PDE4D: variants seen among roughly 807,000 people sequenced by gnomAD.
PDE4D encodes the protein 3',5'-cyclic-AMP phosphodiesterase 4D.
Under a neutral mutation model 87.4 loss-of-function variants are expected in PDE4D, and 24 were observed. The observed-to-expected ratio is 0.27, with a 90% confidence interval of 0.20 to 0.39. PDE4D has a LOEUF of 0.39. PDE4D is among the 10% of genes least tolerant of loss of function. The pLI, the probability that PDE4D is intolerant of heterozygous loss-of-function variation, is 1.00. For missense variants in PDE4D, 714 were observed against 1,041.0 expected (o/e 0.69, Z 4.32); for synonymous variants, 384 against 383.2 (o/e 1.00, Z -0.02).
chr5:59,466,341 C>T (rs529022044), intron 1 of PDE4D, among the ~76,000 whole-genome samples: 9 of 152,294 alleles, frequency 5.9e-5, no homozygotes, highest in African/African-American at 1.7e-4. Flanking sequence ...TTTATGATTT[C>T]CCCCTCCAAA....
intron 1 of PDE4D, among the ~76,000 whole-genome samples, chr5:59,300,374 C>T (rs959952574): frequency 6.6e-6 from 1 of 152,062 alleles, no homozygotes; most frequent in African/African-American, 2.4e-5. Context: ...ACTCCCCATA[C>T]ATGTGTGTGT....
chr5:60,353,754 G>A (rs934058911), intron 1 of PDE4D, among the ~76,000 whole-genome samples: 1 of 152,138 alleles, frequency 6.6e-6, no homozygotes, highest in Non-Finnish European at 1.5e-5. Context: ...TACTTTTAAT[G>A]TGTCATATTA....
chr5:60,365,633 G>T (rs926322483), intron 1 of PDE4D, among the ~76,000 whole-genome samples: 4 of 152,060 alleles, frequency 2.6e-5, no homozygotes, highest in Admixed American at 1.3e-4. Flanking sequence ...AACAGCAAAG[G>T]CTTAGAGCAG....
chr5:59,968,509 C>A (rs1019985755), intron 3 of PDE4D, among the ~76,000 whole-genome samples: 1 of 151,980 alleles, frequency 6.6e-6, no homozygotes, highest in Non-Finnish European at 1.5e-5. Context: ...ATATACCATA[C>A]CTAAGCATCA....
chr5:59,792,439 T>TGTGTG (rs1561669604), intron 1 of PDE4D, among the ~76,000 whole-genome samples: 14 of 150,366 alleles, frequency 9.3e-5, no homozygotes, highest in South Asian at 2.1e-4. Context: ...TGTGTGTGTG[T>TGTGTG]TTTGAGGAAG....
intron 5 of PDE4D, among the ~76,000 whole-genome samples, chr5:59,065,893 C>T (rs1763855345): frequency 6.6e-6 from 1 of 152,036 alleles, no homozygotes; most frequent in East Asian, 1.9e-4. Context: ...GTAACTAGAC[C>T]TTCTTTAATT....
At chr5:60,416,957 A>G in intron 1 of PDE4D, among the ~76,000 whole-genome samples, 1 of 152,234 alleles carries the variant, frequency 6.6e-6, no homozygotes. Context: ...TCATGCTACC[A>G]TGACTAATCA....
intron 1 of PDE4D, among the ~76,000 whole-genome samples, chr5:59,467,179 G>A (rs1801710242): frequency 6.6e-6 from 1 of 152,150 alleles, no homozygotes. Context: ...AGAACTATCA[G>A]TAAATCAATT....
chr5:60,474,201 T>C (rs114734669), intron 1 of PDE4D, among the ~76,000 whole-genome samples: 206 of 144,606 alleles, frequency 1.4e-3, no homozygotes, highest in African/African-American at 5.0e-3. Context: ...TTATTGCTTA[T>C]AGTTCTGAGA....
chr5:59,744,810 T>C (rs1055593413), intron 1 of PDE4D, among the ~76,000 whole-genome samples: 3 of 152,192 alleles, frequency 2.0e-5, no homozygotes, highest in African/African-American at 7.2e-5. Context: ...GACAGTAGTA[T>C]TGAATTTTTC....
intron 1 of PDE4D, among the ~76,000 whole-genome samples, chr5:59,487,278 A>C (rs993818988): frequency 7.9e-5 from 12 of 152,218 alleles, no homozygotes; most frequent in African/African-American, 2.9e-4. Flanking sequence ...AAGGTGAGCG[A>C]AACTTCTACT....
intron 1 of PDE4D, among the ~76,000 whole-genome samples, chr5:60,358,658 G>A (rs943145099): frequency 6.6e-6 from 1 of 152,076 alleles, no homozygotes; most frequent in African/African-American, 2.4e-5. Context: ...CCAGACCAGC[G>A]ACATAATTTA....
At chr5:60,270,494 C>T (rs1249760471) in intron 1 of PDE4D, among the ~76,000 whole-genome samples, 1 of 151,870 alleles carries the variant, frequency 6.6e-6, no homozygotes, top group African/African-American at 2.4e-5. Context: ...AAAATTATAC[C>T]ACATTTTTCA....
chr5:59,423,360 G>T (rs1794746603), intron 1 of PDE4D, among the ~76,000 whole-genome samples: 1 of 152,040 alleles, frequency 6.6e-6, no homozygotes, highest in Non-Finnish European at 1.5e-5. Context: ...TTTTGTAATT[G>T]TAATGAAATT....
intron 5 of PDE4D, among the ~76,000 whole-genome samples, chr5:59,116,805 G>A (rs905450399): frequency 6.6e-6 from 1 of 152,156 alleles, no homozygotes; most frequent in Non-Finnish European, 1.5e-5. Flanking sequence ...CGAAAGGACA[G>A]AAATGACAGC....
intron 11 of PDE4D, among the ~76,000 whole-genome samples, chr5:58,981,961 G>A (rs968639149): frequency 6.6e-6 from 1 of 152,164 alleles, no homozygotes; most frequent in Non-Finnish European, 1.5e-5. Flanking sequence ...AGTCAACACT[G>A]TAATGCCCTT....
intron 2 of PDE4D, among the ~76,000 whole-genome samples, chr5:59,989,087 C>CATATAT (rs541522751): frequency 0.11 from 10,449 of 97,472 alleles, 521 homozygotes; most frequent in Admixed American, 0.13. Context: ...ATGCATGTGT[C>CATATAT]ATATATATAT....
chr5:60,449,646 T>TAATAAATAAAATAAAA, intron 1 of PDE4D, among the ~76,000 whole-genome samples: 1 of 148,430 alleles, frequency 6.7e-6, no homozygotes, highest in Non-Finnish European at 1.5e-5. Flanking sequence ...AGTATAATAA[T>TAATAAATAAAATAAAA]AATAAATAAA....
intron 1 of PDE4D, among the ~76,000 whole-genome samples, chr5:59,634,941 A>G (rs1420646098): frequency 6.6e-6 from 1 of 152,188 alleles, no homozygotes; most frequent in African/African-American, 2.4e-5. Flanking sequence ...AAATCAATGA[A>G]TCCAGGAGCT....
Sources: allele counts gnomAD v4.1 joint callset (sites outside exome capture counted in the v4.1 genomes callset), GRCh38; gene constraint gnomAD v4.1.1; transcripts MANE v1.5; gene names NCBI Gene and HGNC (gene_info 2026-07-23, HGNC 2026-07-21).